MOCOS: variants seen among roughly 807,000 people sequenced by gnomAD.
MOCOS encodes human molybdenum cofactor sulfurase.
A neutral mutation model predicts 83.6 loss-of-function variants in MOCOS; 86 were observed. The ratio of observed to expected loss-of-function variants is 1.03; its 90% CI spans 0.86 to 1.23. The LOEUF (loss-of-function observed/expected upper bound fraction) is 1.23, where lower values mean the gene tolerates loss of function less well. Ranked by LOEUF, MOCOS falls within the 50% of genes most tolerant of loss-of-function variation. The pLI, the probability that MOCOS is intolerant of heterozygous loss-of-function variation, is 0.00. For missense variants in MOCOS, 1,120 were observed against 1,126.9 expected, an observed-to-expected ratio of 0.99 and a Z score of 0.09; for synonymous variants, 445 against 434.7, an observed-to-expected ratio of 1.02 and a Z score of -0.29.
At chr18:36,209,279 A>T (rs530413270) in intron 6 of MOCOS, among the ~76,000 whole-genome samples, 22 of 152,086 alleles carry the variant, frequency 1.4e-4, no homozygotes, top group African/African-American at 5.3e-4. Context: ...CCCTGGCTTA[A>T]GTGATCCTCC....
At position 36,268,701 on chromosome 18, in the gene MOCOS, T is replaced by TAC. The variant is rs748181774; in HGVS notation, c.*17_*18insCA. On this transcript the variant is annotated 3_prime_UTR_variant, in exon 15 of 15. Transcript: ENST00000261326. The stretch of plus-strand genomic sequence containing the variant: ...TACCTCCTAAAAAAAATTTTTAGCA[T>TAC]AAAGTTTCTCTTTTACAGTGATCTC... The TAC allele has an allele frequency of 2.2e-5, 32 of 1,454,510 alleles. No individual in the cohort carries two copies. Among genetic ancestry groups the TAC allele is most frequent in the African/African-American group, 6.0e-5 (2 of 33,558 alleles). The allele number at this position is 1,454,510 out of a possible 1,614,324, so 90.1% of individuals were successfully genotyped here.
chr18:36,250,864 C>G (rs957657839), intron 10 of MOCOS, among the ~76,000 whole-genome samples: 2 of 152,112 alleles, frequency 1.3e-5, no homozygotes, highest in African/African-American at 4.8e-5. Context: ...TGGAAGTTCT[C>G]AAATTCTAAG....
chr18:36,231,786 T>C (rs1291131850), intron 9 of MOCOS, among the ~76,000 whole-genome samples: 1 of 152,184 alleles, frequency 6.6e-6, no homozygotes, highest in Non-Finnish European at 1.5e-5. Flanking sequence ...TTACAGAGTG[T>C]CCCTGGGGCC....
At chr18:36,265,569 A>G (rs927488984) in intron 13 of MOCOS, among the ~76,000 whole-genome samples, 3 of 152,224 alleles carry the variant, frequency 2.0e-5, no homozygotes, top group African/African-American at 7.2e-5. Context: ...TGCACTTTTT[A>G]CATGTGCAAT....
At chr18:36,268,245 C>T (rs2091688034) in intron 14 of MOCOS, among the ~76,000 whole-genome samples, 1 of 152,148 alleles carries the variant, frequency 6.6e-6, no homozygotes, top group South Asian at 2.1e-4. Flanking sequence ...GAAGAAAGTC[C>T]TTCTGCAGGA....
At chr18:36,232,540 A>G (rs1197941171) in intron 9 of MOCOS, among the ~76,000 whole-genome samples, 4 of 152,128 alleles carry the variant, frequency 2.6e-5, no homozygotes, top group Non-Finnish European at 5.9e-5. Context: ...TTAATAAATT[A>G]TTGTTAACCA....
chr18:36,209,753 G>T (rs1055596060), intron 6 of MOCOS, among the ~76,000 whole-genome samples: 3 of 152,296 alleles, frequency 2.0e-5, no homozygotes, highest in Middle Eastern at 3.4e-3. Flanking sequence ...TGGGCATTGA[G>T]GTTGGTTCCA....
At chr18:36,259,468 G>T (rs1381730183) in intron 12 of MOCOS, among the ~76,000 whole-genome samples, 1 of 135,498 alleles carries the variant, frequency 7.4e-6, no homozygotes, top group African/African-American at 2.7e-5. Context: ...AAAAAAAAAG[G>T]TATCAGAAAA....
intron 3 of MOCOS, 45 bp downstream of exon 3, chr18:36,198,801 C>A: frequency 6.3e-7 from 1 of 1,591,816 alleles, no homozygotes; most frequent in South Asian, 1.1e-5. Flanking sequence ...CCTAGGCAGA[C>A]AGACTTCCTT....
chr18:36,199,650 C>A lies in MOCOS; in HGVS notation c.300-33C>A, dbSNP rs1352354366. 4 of 1,612,022 alleles carry A rather than the reference C, an allele frequency of 2.5e-6. No individual in the cohort carries two copies. In the Admixed American group the frequency reaches 6.7e-5, roughly 27 times the overall value. On this transcript the variant is annotated intron_variant, in intron 3 of 14. Coordinates refer to ENST00000261326, the MANE Select transcript of MOCOS (RefSeq NM_017947.4). ...AAACATTCAGTGCTGGGGCTGAGATCCGCGGGTTGCGGGGATGCTGTGCTT... is the reference window on the plus strand; with the variant it reads ...AAACATTCAGTGCTGGGGCTGAGATACGCGGGTTGCGGGGATGCTGTGCTT...
At chr18:36,199,659 G>A in intron 3 of MOCOS, 24 bp from the exon 4 acceptor site, 2 of 1,612,412 alleles carry the variant, frequency 1.2e-6, no homozygotes, top group Non-Finnish European at 1.7e-6. Flanking sequence ...TCCGCGGGTT[G>A]CGGGGATGCT....
At chr18:36,252,551 C>G (rs1000305083) in intron 11 of MOCOS, among the ~76,000 whole-genome samples, 2 of 151,694 alleles carry the variant, frequency 1.3e-5, no homozygotes, top group African/African-American at 2.4e-5. Flanking sequence ...AAGCGAGACT[C>G]TGTCTCAAAA....
At chr18:36,213,622 A>G (rs896953587) in intron 7 of MOCOS, 140 bp downstream of exon 7, 17 of 777,476 alleles carry the variant, frequency 2.2e-5, no homozygotes, top group African/African-American at 3.4e-5. Flanking sequence ...AGGAAAAGGA[A>G]TACAAATGGA....
chr18:36,236,151 C>G (rs1202111709), intron 9 of MOCOS, among the ~76,000 whole-genome samples: 2 of 117,908 alleles, frequency 1.7e-5, no homozygotes, highest in East Asian at 2.4e-4. Flanking sequence ...TCCCATTTGT[C>G]AATTTTGGCT....
intron 9 of MOCOS, among the ~76,000 whole-genome samples, chr18:36,225,366 G>T (rs1676441605): frequency 6.6e-6 from 1 of 152,082 alleles, no homozygotes; most frequent in African/African-American, 2.4e-5. Flanking sequence ...TGGCCAGGAT[G>T]GTCTCGATCT....
intron 1 of MOCOS, among the ~76,000 whole-genome samples, chr18:36,191,619 A>G (rs947202924): frequency 1.3e-5 from 2 of 152,098 alleles, no homozygotes; most frequent in African/African-American, 2.4e-5. Flanking sequence ...ATTTATTTCT[A>G]TAGAGATGGG....
intron 9 of MOCOS, among the ~76,000 whole-genome samples, chr18:36,239,201 C>T (rs554549171): frequency 6.6e-5 from 10 of 152,184 alleles, no homozygotes; most frequent in South Asian, 2.1e-4. Flanking sequence ...TGATTTTGCT[C>T]GTTACTTGAT....
At chr18:36,213,522 G>C (rs764463887) in intron 7 of MOCOS, 40 bp downstream of exon 7, 7 of 1,550,346 alleles carry the variant, frequency 4.5e-6, no homozygotes, top group Non-Finnish European at 4.4e-6. Context: ...TGGTCAGCGA[G>C]ACCCAGCAAC....
At position 36,200,025 on chromosome 18, in the gene MOCOS, C is replaced by G; in HGVS notation, c.642C>G (p.Ser214=). 6.2e-7 allele frequency: 1 copy of G among 1,614,218 alleles called. No individual in the cohort carries two copies. The highest frequency in any genetic ancestry group is 8.5e-7 in the Non-Finnish European group (1 of 1,180,044). Residue 214 remains serine (S), a synonymous_variant, in exon 4 of 15, where the codon TCC becomes TCG. Transcript: ENST00000261326. ...TTTCTGGAGTCAGATACCCCCTGTCCTGGATAGAAGAGGTCAAGTCTGGGC... is the reference window on the plus strand; with the variant it reads ...TTTCTGGAGTCAGATACCCCCTGTCGTGGATAGAAGAGGTCAAGTCTGGGC... The part of the protein sequence containing the change: ...SNFSGVRYPL[S]WIEEVKSGRL...
Sources: allele counts gnomAD v4.1 joint callset (sites outside exome capture counted in the v4.1 genomes callset), GRCh38; gene constraint gnomAD v4.1.1; transcripts MANE v1.5; gene names NCBI Gene and HGNC (gene_info 2026-07-23, HGNC 2026-07-21).